The following ZNF469 variants were observed in gnomAD, a reference collection of about 807,000 sequenced individuals.
ZNF469 encodes zinc finger protein 469.
Under a neutral mutation model 1.0 loss-of-function variants are expected in ZNF469, and 1 was observed. The ratio of observed to expected loss-of-function variants is 1.00; its 90% CI spans 0.35 to 4.73. The LOEUF (loss-of-function observed/expected upper bound fraction) is 4.73, where lower values mean the gene tolerates loss of function less well. ZNF469 is among the 30% of genes most tolerant of loss of function. The probability of loss-of-function intolerance (pLI) is 0.16; values close to 1 mark genes in which losing one functional copy is unlikely to be tolerated. For missense variants in ZNF469, 6,100 were observed against 5,356.3 expected (o/e 1.14, Z -4.33); for synonymous variants, 2,703 against 2,363.4 (o/e 1.14, Z -4.17).
At chr16:88,305,284 GCA>G in the ZNF469 span, among the ~76,000 whole-genome samples, 462 of 116,438 alleles carry the variant, frequency 4.0e-3, 4 homozygotes, top group African/African-American at 0.011. Context: ...ATGCTCTCAG[GCA>G]CACACACACG....
the ZNF469 span, among the ~76,000 whole-genome samples, chr16:88,114,293 C>T: frequency 2.3e-5 from 3 of 127,998 alleles, no homozygotes; most frequent in South Asian, 7.6e-4. Context: ...CACATTCACT[C>T]ACTGCGGGGG....
Position 88,438,908 on chromosome 16 carries a change from G to A in ZNF469, c.11438G>A (p.Ser3813Asn). ...CTAGGTCCCAAGGAGAAGGGAGAGA[G>A]CAGTACGAAGAGGAAAAAGGGCCAG... ...GSLGPKEKGESSTKRKKGQVP... is the reference protein window; with the variant it reads ...GSLGPKEKGENSTKRKKGQVP... Residue 3813 changes from serine to asparagine, a missense_variant, in exon 3 of 3, where the codon AGC (serine) becomes AAC (asparagine). Transcript: ENST00000565624. 1.3e-6 allele frequency: 2 copies of A among 1,550,562 alleles called. No individual in the cohort carries two copies. The highest frequency in any genetic ancestry group is 1.7e-6 in the Non-Finnish European group (2 of 1,146,976).
the ZNF469 span, among the ~76,000 whole-genome samples, chr16:88,239,697 ATATATATATATATATATATT>A: frequency 7.6e-4 from 5 of 6,566 alleles, no homozygotes; most frequent in African/African-American, 4.0e-3. Flanking sequence ...ATATATATAT[ATATATATATATATATATATT>A]TTTTTTTTTT....
intron 1 of ZNF469, among the ~76,000 whole-genome samples, chr16:88,394,748 CAG>C (rs1371149294): frequency 6.6e-6 from 1 of 152,220 alleles, no homozygotes; most frequent in East Asian, 1.9e-4. Flanking sequence ...CCTGAGGGAA[CAG>C]GGGGCTCAGG....
the ZNF469 span, among the ~76,000 whole-genome samples, chr16:88,214,357 A>G: frequency 6.6e-6 from 1 of 152,040 alleles, no homozygotes; most frequent in Admixed American, 6.6e-5. Context: ...TAGATTTTCC[A>G]GAAGCTAGAG....
the ZNF469 span, among the ~76,000 whole-genome samples, chr16:88,265,179 G>A: frequency 1.3e-5 from 2 of 152,182 alleles, no homozygotes; most frequent in African/African-American, 4.8e-5. Flanking sequence ...CCTGGCCGCC[G>A]CCCACTGTCT....
the ZNF469 span, among the ~76,000 whole-genome samples, chr16:88,120,992 G>T: frequency 6.6e-6 from 1 of 152,070 alleles, no homozygotes; most frequent in Non-Finnish European, 1.5e-5. Flanking sequence ...TAGGTGTGGG[G>T]TGTTTTGCAC....
At chr16:88,143,982 C>G in the ZNF469 span, among the ~76,000 whole-genome samples, 1 of 152,084 alleles carries the variant, frequency 6.6e-6, no homozygotes, top group Non-Finnish European at 1.5e-5. Context: ...TCCCGCCCAT[C>G]GTCAGCGTTT....
the ZNF469 span, among the ~76,000 whole-genome samples, chr16:88,175,865 CGTT>C: frequency 6.6e-6 from 1 of 152,168 alleles, no homozygotes; most frequent in Non-Finnish European, 1.5e-5. Flanking sequence ...AGAGGAAATC[CGTT>C]TCACTGGTCC....
chr16:88,358,128 C>T, the ZNF469 span, among the ~76,000 whole-genome samples: 4 of 152,198 alleles, frequency 2.6e-5, no homozygotes, highest in Non-Finnish European at 5.9e-5. Flanking sequence ...TCCCACCTCC[C>T]CCAGGCCCCC....
chr16:88,103,477 C>T, the ZNF469 span, among the ~76,000 whole-genome samples: 9 of 152,198 alleles, frequency 5.9e-5, no homozygotes, highest in Admixed American at 1.3e-4. Flanking sequence ...CGTGAAGACC[C>T]GGTGCTGGGG....
At chr16:88,414,994 G>A (rs760253026) in intron 1 of ZNF469, among the ~76,000 whole-genome samples, 74 of 152,270 alleles carry the variant, frequency 4.9e-4, no homozygotes, top group Non-Finnish European at 8.1e-4. Flanking sequence ...AGGTAGCCTC[G>A]AGGAGGCACC....
the ZNF469 span, among the ~76,000 whole-genome samples, chr16:88,283,839 G>A: frequency 2.7e-5 from 4 of 147,278 alleles, no homozygotes; most frequent in Admixed American, 2.7e-4. Context: ...CCCCCAGTGT[G>A]CCCAAGGTCT....
chr16:88,195,492 G>A, the ZNF469 span, among the ~76,000 whole-genome samples: 1 of 152,232 alleles, frequency 6.6e-6, no homozygotes, highest in African/African-American at 2.4e-5. Flanking sequence ...CTGAGGGCTG[G>A]AGGGGAAGTG....
Position 88,431,996 on chromosome 16 carries a change from C to T in ZNF469, c.4526C>T (p.Pro1509Leu), listed in dbSNP as rs555452824. ...PSFLLLEEVS[P>L]MLPSHFPDLS... The stretch of plus-strand genomic sequence containing the variant: ...TTTTTGCTGCTTGAGGAAGTATCCC[C>T]GATGCTGCCTAGCCATTTTCCTGAT... The change falls in exon 3 of 3, where the codon CCG becomes CTG. Residue 1509 changes from proline to leucine, a missense_variant. By Grantham distance (98) the Pro-to-Leu change is moderately conservative. Coordinates refer to ENST00000565624, the MANE Select transcript of ZNF469 (RefSeq NM_001367624.2). 1.6e-5 allele frequency: 25 copies of T among 1,549,898 alleles called. No individual in the cohort carries two copies. Among genetic ancestry groups the T allele is most frequent in the South Asian group, 7.1e-5 (6 of 84,048 alleles).
At chr16:88,204,618 G>A in the ZNF469 span, among the ~76,000 whole-genome samples, 309 of 152,320 alleles carry the variant, frequency 2.0e-3, 2 homozygotes, top group African/African-American at 6.8e-3. Flanking sequence ...GTTGTGAGCC[G>A]CCTTGGCCAG....
At position 88,437,449 on chromosome 16, in the gene ZNF469, C is replaced by G; in HGVS notation, c.9979C>G (p.Pro3327Ala). ...CGGGGAGCCCCTCCTGCAAGCCACC[C>G]CGGTGCACGAGGCCTGCAAGGACCC... ...AGGEPLLQAT[P>A]VHEACKDPSR... Residue 3327 changes from proline to alanine, a missense_variant, in exon 3 of 3, where the codon CCG becomes GCG. Coordinates refer to ENST00000565624, the MANE Select transcript of ZNF469 (RefSeq NM_001367624.2). 1 of 1,527,622 alleles carries G rather than the reference C, an allele frequency of 6.5e-7. No individual in the cohort carries two copies. Among genetic ancestry groups the G allele is most frequent in the Non-Finnish European group, 8.8e-7 (1 of 1,133,186 alleles). 94.6% of individuals were successfully genotyped at this position (1,527,622 alleles called of 1,614,324 possible).
chr16:88,433,759 C>G lies in ZNF469; in HGVS notation c.6289C>G (p.Leu2097Val). 1 of 1,549,452 alleles carries G rather than the reference C, an allele frequency of 6.5e-7. No individual in the cohort carries two copies. The highest frequency in any genetic ancestry group is 8.7e-7 in the Non-Finnish European group (1 of 1,146,858). Residue 2097 changes from leucine to valine, a missense_variant, in exon 3 of 3, where the codon CTG becomes GTG. Physicochemically the swap from Leu to Val is conservative, Grantham distance 32. Transcript: ENST00000565624. ...ASSPGLNKPL[L>V]ATGDSPAPSV... Reference sequence around the variant, plus strand: ...CAGCCCCGGCCTGAACAAGCCACTGCTGGCCACAGGGGATAGCCCAGCACC... The same window carrying G: ...CAGCCCCGGCCTGAACAAGCCACTGGTGGCCACAGGGGATAGCCCAGCACC...
chr16:88,167,321 C>G, the ZNF469 span, among the ~76,000 whole-genome samples: 1 of 152,162 alleles, frequency 6.6e-6, no homozygotes, highest in South Asian at 2.1e-4. Flanking sequence ...CTCGGCCTCT[C>G]AAAGTGCTGG....
Sources: gnomAD v4.1 joint callset for allele counts (sites outside exome capture counted in the v4.1 genomes callset) on GRCh38, gnomAD v4.1.1 for gene constraint, MANE v1.5 for transcripts, NCBI Gene and HGNC (gene_info 2026-07-23, HGNC 2026-07-21) for gene names.